Variants in SCN3A observed in about 807,000 individuals in gnomAD.
SCN3A encodes sodium voltage-gated channel alpha subunit 3.
In SCN3A, 60 loss-of-function variants were observed where a neutral mutation model predicts 187.6. The observed-to-expected ratio is 0.32, with a 90% confidence interval of 0.26 to 0.40. SCN3A has a LOEUF of 0.40. SCN3A is among the 10% of genes least tolerant of loss of function. The pLI is 1.00. For missense variants in SCN3A, 1,601 were observed against 2,428.2 expected, an observed-to-expected ratio of 0.66 and a Z score of 7.16; for synonymous variants, 788 against 829.2, an observed-to-expected ratio of 0.95 and a Z score of 0.85.
intron 1 of SCN3A, among the ~76,000 whole-genome samples, chr2:165,187,219 T>G (rs1691298758): frequency 6.6e-6 from 1 of 152,208 alleles, no homozygotes; most frequent in Admixed American, 6.5e-5. Context: ...AAAACCCAGT[T>G]TGATTGGCTT....
chr2:165,098,298 C>T (rs1040532591), intron 22 of SCN3A, among the ~76,000 whole-genome samples: 2 of 152,136 alleles, frequency 1.3e-5, no homozygotes, highest in Admixed American at 6.6e-5. Flanking sequence ...AGTAATTTTT[C>T]TTGTCTAATC....
chr2:165,162,548 C>G lies in SCN3A; in HGVS notation c.967+8G>C. The G allele has an allele frequency of 6.2e-7, 1 of 1,613,904 alleles. No individual in the cohort carries two copies. Among genetic ancestry groups the G allele is most frequent in the Non-Finnish European group, 8.5e-7 (1 of 1,179,894 alleles). On this transcript the variant is annotated splice_region_variant and intron_variant, in intron 8 of 27. Coordinates refer to ENST00000283254, the MANE Select transcript of SCN3A (RefSeq NM_006922.4). ...ACACTAAGGTTAACATAATGTAATA[C>G]TTCTTACTGTCATCTCCAATGTAAT...
intron 1 of SCN3A, chr2:165,195,140 C>G (rs1691867169): frequency 6.6e-6 from 1 of 152,068 alleles, no homozygotes; most frequent in Non-Finnish European, 1.5e-5. Flanking sequence ...TTGTAGCAAC[C>G]AAACTGCTGA....
chr2:165,164,564 T>C, intron 5 of SCN3A, 44 bp from the exon 6 acceptor site: 1 of 1,607,734 alleles, frequency 6.2e-7, no homozygotes, highest in Non-Finnish European at 8.5e-7. Flanking sequence ...TTGCTTGAAC[T>C]GTTAAAATAA....
In SCN3A at chr2:165,092,342, A is replaced by G. The variant is rs146081101; in HGVS notation, c.4719T>C (p.Phe1573=). The G allele has an allele frequency of 8.7e-6, 14 of 1,613,854 alleles. No individual in the cohort carries two copies. Among genetic ancestry groups the G allele is most frequent in the Middle Eastern group, 3.3e-4 (2 of 6,084 alleles). ...LVFIVLFTGE[F]VLKLVSLRHY... is the part of the protein sequence containing the mutation. ...GTCTGAGGGAGACGAGCTTCAGCAC[A>G]AATTCTCCAGTGAACAGAACAATGA... The change falls in exon 27 of 28, where the codon TTT becomes TTC. Residue 1573 remains phenylalanine (F), a synonymous_variant. Transcript: ENST00000283254. The surrounding 1 kb of genome is among the most constrained non-coding windows in gnomAD (Gnocchi z 4.2).
At chr2:165,135,028 A>G (rs1553525367) in intron 15 of SCN3A, among the ~76,000 whole-genome samples, 1 of 152,104 alleles carries the variant, frequency 6.6e-6, no homozygotes, top group Non-Finnish European at 1.5e-5. Flanking sequence ...AATGACAGCT[A>G]TATCTCTGTA....
intron 21 of SCN3A, among the ~76,000 whole-genome samples, chr2:165,103,092 A>C (rs536196526): frequency 6.6e-6 from 1 of 152,330 alleles, no homozygotes; most frequent in African/African-American, 2.4e-5. Context: ...ACCTTATTTT[A>C]GTGGTTTAAC....
In SCN3A at chr2:165,090,455, C is replaced by G; in HGVS notation, c.5698G>C (p.Glu1900Gln). 1 of 1,614,020 alleles carries G rather than the reference C, an allele frequency of 6.2e-7. No individual in the cohort carries two copies. Among genetic ancestry groups the G allele is most frequent in the Non-Finnish European group, 8.5e-7 (1 of 1,179,960 alleles). The change falls in exon 28 of 28, where the codon GAG (glutamate) becomes CAG (glutamine). Residue 1900 changes from glutamate (E) to glutamine (Q), a missense_variant. By Grantham distance (29) the Glu-to-Gln change is conservative (BLOSUM62 2). Around this residue, in one of 11 missense-constraint regions of SCN3A, gnomAD observed 110 missense variants for 175.9 expected, o/e 0.63. Coordinates refer to ENST00000283254, the MANE Select transcript of SCN3A (RefSeq NM_006922.4). The surrounding 1 kb of genome is among the most constrained non-coding windows in gnomAD (Gnocchi z 4.0). ...TGAATGATAGCGGCAGACACCTCCT[C>G]TTGTTTACGTTTCAAAGTGGTTGTA... ...PITTTLKRKQ[E>Q]EVSAAIIQRN... is the part of the protein sequence containing the mutation.
chr2:165,107,156 C>T (rs1685901742), intron 21 of SCN3A, among the ~76,000 whole-genome samples: 1 of 151,874 alleles, frequency 6.6e-6, no homozygotes, highest in Non-Finnish European at 1.5e-5. Flanking sequence ...ATCTAGGAAG[C>T]AGTTAGAAGT....
At chr2:165,201,357 G>C (rs1319500945) in intron 1 of SCN3A, among the ~76,000 whole-genome samples, 1 of 152,006 alleles carries the variant, frequency 6.6e-6, no homozygotes, top group African/African-American at 2.4e-5. Context: ...TTATTTGGCA[G>C]TTTTATTCTA....
At chr2:165,177,519 T>C (rs183843037) in intron 2 of SCN3A, among the ~76,000 whole-genome samples, 30 of 152,354 alleles carry the variant, frequency 2.0e-4, no homozygotes, top group Non-Finnish European at 3.8e-4. Flanking sequence ...CTATTTTCCC[T>C]CTTTTATGGT....
chr2:165,154,930 G>T (rs1484297332), intron 10 of SCN3A, among the ~76,000 whole-genome samples: 1 of 152,102 alleles, frequency 6.6e-6, no homozygotes, highest in Non-Finnish European at 1.5e-5. Flanking sequence ...TTTTATTAGA[G>T]TTCATATGCA....
rs1222590452 is a variant in SCN3A at position 165,130,438 on chromosome 2, G to GA, written c.2566-143dup. On this transcript the variant is annotated intron_variant, in intron 16 of 27. Coordinates refer to ENST00000283254, the MANE Select transcript of SCN3A (RefSeq NM_006922.4). ...CTGAACTGATTCAATTTCAAATCCAGAAAAAATAGTGTTAACAATATTAGA... is the reference window on the plus strand; with the variant it reads ...CTGAACTGATTCAATTTCAAATCCAGAAAAAAATAGTGTTAACAATATTAGA... 21 of 819,760 alleles carry GA rather than the reference G, an allele frequency of 2.6e-5. No homozygotes were observed. In the East Asian group the frequency reaches 4.8e-4, roughly 19 times the overall value. 50.8% of individuals were successfully genotyped at this position (819,760 alleles called of 1,614,324 possible).
In SCN3A at chr2:165,137,128, A is replaced by T. The variant is rs1462138492; in HGVS notation, c.2391+751T>A. On this transcript the variant is annotated intron_variant, in intron 15 of 27. Coordinates refer to ENST00000283254, the MANE Select transcript of SCN3A (RefSeq NM_006922.4). ...GACCTAAAGACAAATGATGCAGTGA[A>T]CTTGTGGGCCATATCTAAGCCCTTG... Among the ~76,000 whole-genome samples the T allele has an allele frequency of 3.3e-5, 5 of 152,246 alleles. No homozygotes were observed. The East Asian group carries it at 9.7e-4, about 29-fold the overall frequency.
intron 9 of SCN3A, among the ~76,000 whole-genome samples, chr2:165,161,153 T>G (rs1302538798): frequency 1.0e-4 from 15 of 147,310 alleles, no homozygotes; most frequent in Non-Finnish European, 2.0e-4. Context: ...TTTTTTTTTT[T>G]TTTTTTTTTG....
chr2:165,167,744 G>A (rs991071009), intron 5 of SCN3A, among the ~76,000 whole-genome samples: 19 of 152,166 alleles, frequency 1.2e-4, no homozygotes, highest in African/African-American at 3.9e-4. Flanking sequence ...GCATATTGAT[G>A]TTTTGAAACA....
intron 18 of SCN3A, among the ~76,000 whole-genome samples, chr2:165,125,745 T>A (rs972883692): frequency 6.6e-6 from 1 of 152,180 alleles, no homozygotes; most frequent in Admixed American, 6.5e-5. Flanking sequence ...TCCAGCAGAT[T>A]GCTGAATTCA....
chr2:165,195,707 A>C (rs1402628142), intron 1 of SCN3A: 1 of 152,080 alleles, frequency 6.6e-6, no homozygotes, highest in Non-Finnish European at 1.5e-5. Flanking sequence ...TCATAGATTT[A>C]ATGGGATATT....
intron 11 of SCN3A, among the ~76,000 whole-genome samples, chr2:165,152,511 T>TG (rs1297647928): frequency 6.6e-6 from 1 of 152,214 alleles, no homozygotes; most frequent in Non-Finnish European, 1.5e-5. Context: ...TTTGCTATTG[T>TG]GAATAGTGCC....
Sources: allele counts gnomAD v4.1 joint callset (sites outside exome capture counted in the v4.1 genomes callset), GRCh38; gene constraint gnomAD v4.1.1; regional missense constraint gnomAD v4.1.1; non-coding constraint Gnocchi (gnomAD v3.1); transcripts MANE v1.5; gene names NCBI Gene and HGNC (gene_info 2026-07-23, HGNC 2026-07-21).